Variants in CSMD2 observed in about 807,000 individuals in gnomAD.
The protein encoded by CSMD2 is CUB and Sushi multiple domains 2.
In CSMD2, 130 loss-of-function variants were observed where a neutral mutation model predicts 398.5. The ratio of observed to expected loss-of-function variants is 0.33; its 90% confidence interval spans 0.28 to 0.38. The LOEUF (loss-of-function observed/expected upper bound fraction) is 0.38, where lower values mean the gene tolerates loss of function less well. CSMD2 is among the 10% of genes least tolerant of loss of function. The pLI is 1.00. For synonymous variants in CSMD2, 1,828 were observed against 1,908.5 expected (o/e 0.96, Z 1.10); for missense variants, 3,829 against 4,764.9 (o/e 0.80, Z 5.78).
intron 19 of CSMD2, among the ~76,000 whole-genome samples, chr1:33,719,981 G>T (rs988348624): frequency 1.3e-5 from 2 of 152,144 alleles, no homozygotes; most frequent in Non-Finnish European, 2.9e-5. Flanking sequence ...CTCCTGAATT[G>T]GCTGCTCCCT....
At chr1:33,963,453 C>T (rs1244905131) in intron 3 of CSMD2, among the ~76,000 whole-genome samples, 1 of 152,204 alleles carries the variant, frequency 6.6e-6, no homozygotes, top group Non-Finnish European at 1.5e-5. Flanking sequence ...CACTTTGTTA[C>T]ATTTTAAAGT....
intron 1 of CSMD2, among the ~76,000 whole-genome samples, chr1:34,105,398 C>T (rs113235846): frequency 0.012 from 1,844 of 152,260 alleles, 41 homozygotes; most frequent in African/African-American, 0.042. Flanking sequence ...TAGTTGAGAA[C>T]GACTGGTCTA....
chr1:33,572,333 C>T (rs1659665615), intron 50 of CSMD2, among the ~76,000 whole-genome samples, 173 bp downstream of exon 50: 1 of 151,962 alleles, frequency 6.6e-6, no homozygotes, highest in Non-Finnish European at 1.5e-5. Context: ...GTTATCAATG[C>T]TGAGAGCAGT....
At chr1:33,872,800 G>T (rs1380803995) in intron 5 of CSMD2, among the ~76,000 whole-genome samples, 1 of 152,164 alleles carries the variant, frequency 6.6e-6, no homozygotes, top group African/African-American at 2.4e-5. Context: ...TTTAAACACA[G>T]GTTTCCTTTC....
At chr1:34,084,433 G>A (rs968651947) in intron 2 of CSMD2, among the ~76,000 whole-genome samples, 1 of 152,188 alleles carries the variant, frequency 6.6e-6, no homozygotes, top group African/African-American at 2.4e-5. Context: ...CACCATCAGA[G>A]TGAACAGCAA....
chr1:33,636,543 C>T lies in CSMD2; in HGVS notation c.4786G>A (p.Glu1596Lys). Reference sequence around the variant, plus strand: ...ATGGAACCAGGATCAAAACATGACTCCCGCGGGTTTTCTGGGAAAAAGAAA... The same window carrying T: ...ATGGAACCAGGATCAAAACATGACTTCCGCGGGTTTTCTGGGAAAAAGAAA... ...FVIDYTENPR[E>K]SCFDPGSIKN... The change falls in exon 30 of 71, where the codon GAG becomes AAG. Residue 1596 changes from glutamate (E) to lysine (K), a missense_variant. By Grantham distance (56) the Glu-to-Lys change is moderately conservative (BLOSUM62 1). Around this residue, in one of 5 missense-constraint regions of CSMD2, gnomAD observed 2,001 missense variants for 2,567.1 expected, o/e 0.78. Coordinates refer to ENST00000373381, the MANE Select transcript of CSMD2 (RefSeq NM_001281956.2). The surrounding 1 kb of genome is among the most constrained non-coding windows in gnomAD (Gnocchi z 4.8). 1 of 1,613,872 alleles carries T rather than the reference C, an allele frequency of 6.2e-7. No individual in the cohort carries two copies. The highest frequency in any genetic ancestry group is 8.5e-7 in the Non-Finnish European group (1 of 1,179,816).
Position 33,583,786 on chromosome 1 carries a change from T to C in CSMD2, c.7096A>G (p.Ile2366Val). 1 of 1,614,176 alleles carries C rather than the reference T, an allele frequency of 6.2e-7. No individual in the cohort carries two copies. The highest frequency in any genetic ancestry group is 1.1e-5 in the South Asian group (1 of 91,078). The change falls in exon 47 of 71, where the codon ATC (isoleucine) becomes GTC (valine). Residue 2366 changes from isoleucine to valine, a missense_variant. Coordinates refer to ENST00000373381, the MANE Select transcript of CSMD2 (RefSeq NM_001281956.2). ...CTTCCAGGGTAGCTCTGGCTCAGGA[T>C]CACGCCTGTGGAGTCTGTCAGAAGC... ...NELLTDSTGV[I>V]LSQSYPGSYP...
intron 1 of CSMD2, among the ~76,000 whole-genome samples, 167 bp from the exon 2 acceptor site, chr1:34,089,360 G>A (rs1156379625): frequency 2.6e-5 from 4 of 152,174 alleles, no homozygotes; most frequent in African/African-American, 9.7e-5. Flanking sequence ...GACTAACGTT[G>A]ATTGTCGGCT....
chr1:34,136,913 C>T (rs1558445320), intron 1 of CSMD2, among the ~76,000 whole-genome samples: 1 of 152,090 alleles, frequency 6.6e-6, no homozygotes, highest in Non-Finnish European at 1.5e-5. Context: ...CCAATCCTGC[C>T]ATCCATGCAT....
At chr1:33,696,349 C>T (rs540479798) in intron 24 of CSMD2, among the ~76,000 whole-genome samples, 9 of 152,290 alleles carry the variant, frequency 5.9e-5, no homozygotes, top group South Asian at 4.1e-4. Flanking sequence ...TTCATGGACC[C>T]GTTGGTTTCA....
At chr1:34,010,362 A>G (rs564109532) in intron 3 of CSMD2, among the ~76,000 whole-genome samples, 1 of 152,310 alleles carries the variant, frequency 6.6e-6, no homozygotes, top group South Asian at 2.1e-4. Flanking sequence ...ATACTGGATT[A>G]TAAGGATAAT....
rs779901458 is a variant in CSMD2, at chr1:33,533,911, C to A, written c.9880-4G>T. The A allele has an allele frequency of 1.9e-6, 3 of 1,595,894 alleles. No homozygotes were observed. The Admixed American group carries it at 5.0e-5, about 27-fold the overall frequency. On this transcript the variant is annotated splice_region_variant and splice_polypyrimidine_tract_variant and intron_variant, in intron 62 of 70. Transcript: ENST00000373381. This position sits in a 1 kb window ranked among gnomAD's most constrained non-coding sequence, Gnocchi z 4.2. Reference sequence around the variant, plus strand: ...GGAAGAGGACTGTGCTTCCAACCTGCGGCAAGATACAAAGTCCCATCAGCC... The same window carrying A: ...GGAAGAGGACTGTGCTTCCAACCTGAGGCAAGATACAAAGTCCCATCAGCC...
chr1:33,523,174 C>G, intron 67 of CSMD2, 133 bp downstream of exon 67: 1 of 569,360 alleles, frequency 1.8e-6, no homozygotes, highest in Admixed American at 3.2e-5. Flanking sequence ...TCTTGCTGCT[C>G]CTAGGCAGGG....
At chr1:33,921,143 C>T (rs1347850183) in intron 4 of CSMD2, among the ~76,000 whole-genome samples, 1 of 152,104 alleles carries the variant, frequency 6.6e-6, no homozygotes, top group Non-Finnish European at 1.5e-5. Context: ...CTGTTCTCCT[C>T]CCCTCTTCCT....
intron 5 of CSMD2, among the ~76,000 whole-genome samples, chr1:33,852,264 C>G (rs998321520): frequency 2.6e-5 from 4 of 152,226 alleles, no homozygotes; most frequent in African/African-American, 4.8e-5. Flanking sequence ...CCCTCTGCCT[C>G]TGATCGATCT....
At position 33,646,218 on chromosome 1, in the gene CSMD2, C is replaced by T. The variant is rs188179688; in HGVS notation, c.4774+430G>A. On this transcript the variant is annotated intron_variant, in intron 29 of 70. Coordinates refer to ENST00000373381, the MANE Select transcript of CSMD2 (RefSeq NM_001281956.2). ...CACCATGACCCTAGGATTAGATGGG[C>T]TGTCCATAGGGATGTTGAAGTTACC... 9.2e-5 allele frequency among the ~76,000 whole-genome samples: 14 copies of T among 152,266 alleles called. No homozygotes were observed. In the East Asian group the frequency reaches 2.7e-3, roughly 29 times the overall value.
In CSMD2 at chr1:33,724,313, G is replaced by A. The variant is rs1221372375; in HGVS notation, c.2885C>T (p.Ala962Val). 1 of 1,610,816 alleles carries A rather than the reference G, an allele frequency of 6.2e-7. No homozygotes were observed. Among genetic ancestry groups the A allele is most frequent in the Admixed American group, 1.7e-5 (1 of 59,994 alleles). The stretch of plus-strand genomic sequence containing the variant: ...GCCTTGAATGAAGCCACCACAGAGA[G>A]CTACAGAAGGAGTGAAGAGGGCAGT... ...QWSRALPSCE[A>V]LCGGFIQGSS... Residue 962 changes from alanine (A) to valine (V), a missense_variant and splice_region_variant, in exon 19 of 71, where the codon GCT (alanine) becomes GTT (valine). By Grantham distance (64) the Ala-to-Val change is moderately conservative. This residue lies in a region of CSMD2 where 2,001 missense variants were observed against 2,567.1 expected (regional missense o/e 0.78). Transcript: ENST00000373381.
At chr1:33,665,532 A>T (rs1644282630) in intron 25 of CSMD2, among the ~76,000 whole-genome samples, 1 of 139,334 alleles carries the variant, frequency 7.2e-6, no homozygotes, top group Admixed American at 7.8e-5. Flanking sequence ...CAGTGGTGCA[A>T]TCGTAACTCA....
intron 2 of CSMD2, among the ~76,000 whole-genome samples, chr1:34,074,548 G>C (rs2148309413): frequency 6.6e-6 from 1 of 152,242 alleles, no homozygotes. Flanking sequence ...CACTCTATTA[G>C]GGATCTCTTC....
Sources: gnomAD v4.1 joint callset for allele counts (sites outside exome capture counted in the v4.1 genomes callset) on GRCh38, gnomAD v4.1.1 for gene constraint, gnomAD v4.1.1 regional missense constraint, Gnocchi (gnomAD v3.1) non-coding constraint, MANE v1.5 for transcripts, NCBI Gene and HGNC (gene_info 2026-07-23, HGNC 2026-07-21) for gene names.